UCHL5: variants seen among roughly 807,000 people sequenced by gnomAD.
UCHL5 encodes the protein ubiquitin carboxyl-terminal hydrolase isozyme L5.
Under a neutral mutation model 53.8 loss-of-function variants are expected in UCHL5, and 34 were observed. The observed-to-expected ratio is 0.63, with a 90% CI of 0.48 to 0.84. UCHL5 has a LOEUF of 0.84. Among genes scored for constraint, UCHL5 ranks in the 40% least tolerant of loss-of-function variants. The pLI is 0.00. For synonymous variants in UCHL5, 111 were observed against 126.3 expected (o/e 0.88, Z 0.81); for missense variants, 290 against 385.6 (o/e 0.75, Z 2.08).
chr1:193,045,197 C>T lies in UCHL5; in HGVS notation c.246+4549G>A, dbSNP rs146540267. Among the ~76,000 whole-genome samples the T allele has an allele frequency of 7.9e-5, 12 of 152,264 alleles. 1 individual carries two copies. In the South Asian group the frequency reaches 2.1e-3, roughly 26 times the overall value. On this transcript the variant is annotated intron_variant, in intron 3 of 10. Transcript: ENST00000367454. ...GTCTGCATTTATTGGATACCTACCA[C>T]GTACCAAGGACTGAATATAAAAACA...
intron 10 of UCHL5, chr1:193,020,234 T>C (rs1656451362): frequency 6.9e-7 from 1 of 1,459,192 alleles, no homozygotes; most frequent in Non-Finnish European, 9.1e-7. Flanking sequence ...TTAGAATGTA[T>C]AACATGAAAC....
At chr1:193,030,064 G>C (rs1283256373) in intron 3 of UCHL5, among the ~76,000 whole-genome samples, 1 of 152,138 alleles carries the variant, frequency 6.6e-6, no homozygotes, top group Non-Finnish European at 1.5e-5. Flanking sequence ...TCACCTGTGT[G>C]ATTGTAGAGA....
In UCHL5 at chr1:193,016,381, C is replaced by A. The variant is rs769500827; in HGVS notation, c.957G>T (p.Gln319His). 1 of 1,606,340 alleles carries A rather than the reference C, an allele frequency of 6.2e-7. No homozygotes were observed. The highest frequency in any genetic ancestry group is 8.5e-7 in the Non-Finnish European group (1 of 1,177,416). ...IPLVEKAKEK[Q>H]NAKKAQETK ...TGGTTTCCTGAGCTTTCTTTGCGTTCTGTTTTTCTTTTGCCTAAAAATTAA... is the reference window on the plus strand; with the variant it reads ...TGGTTTCCTGAGCTTTCTTTGCGTTATGTTTTTCTTTTGCCTAAAAATTAA... The change falls in exon 11 of 11, where the codon CAG becomes CAT. Residue 319 changes from glutamine (Q) to histidine (H), a missense_variant. By Grantham distance (24) the Gln-to-His change is conservative (BLOSUM62 0). Coordinates refer to ENST00000367454, the MANE Select transcript of UCHL5 (RefSeq NM_001199261.3).
At chr1:193,027,592 C>T (rs755899602) in intron 7 of UCHL5, among the ~76,000 whole-genome samples, 10 of 151,906 alleles carry the variant, frequency 6.6e-5, no homozygotes, top group South Asian at 2.1e-4. Flanking sequence ...AGCTGAGACA[C>T]GAGAATCGCT....
Position 193,059,219 on chromosome 1 carries a change from G to A in UCHL5, c.42C>T (p.Asp14=). The A allele has an allele frequency of 6.2e-7, 1 of 1,614,048 alleles. No homozygotes were observed. The highest frequency in any genetic ancestry group is 8.5e-7 in the Non-Finnish European group (1 of 1,179,998). Residue 14 remains aspartate (D), a synonymous_variant, in exon 1 of 11, where the codon GAC becomes GAT. Transcript: ENST00000367454. The surrounding 1 kb of genome is among the most constrained non-coding windows in gnomAD (Gnocchi z 4.9). Reference sequence around the variant, plus strand: ...TAATGAGCTCGGTGAAGACCCCGGGGTCGCTTTCCATGAGGCACCACTCCC... The same window carrying A: ...TAATGAGCTCGGTGAAGACCCCGGGATCGCTTTCCATGAGGCACCACTCCC... ...NAGEWCLMES[D]PGVFTELIKG...
intron 1 of UCHL5, among the ~76,000 whole-genome samples, chr1:193,054,129 T>C (rs1669934428): frequency 6.6e-6 from 1 of 152,152 alleles, no homozygotes; most frequent in Admixed American, 6.5e-5. Context: ...AAGCGGGTGC[T>C]AACGTTAAAA....
At chr1:193,023,813 G>C (rs778947430) in intron 8 of UCHL5, 31 bp downstream of exon 8, 2 of 1,518,524 alleles carry the variant, frequency 1.3e-6, no homozygotes, top group Non-Finnish European at 9.1e-7. Context: ...AACCAAGCTA[G>C]AACTTTGTAC....
chr1:193,043,964 A>C (rs1011377120), intron 3 of UCHL5, among the ~76,000 whole-genome samples: 1 of 152,132 alleles, frequency 6.6e-6, no homozygotes, highest in Non-Finnish European at 1.5e-5. Flanking sequence ...CATAATCATG[A>C]GTATAGCAGC....
intron 3 of UCHL5, among the ~76,000 whole-genome samples, chr1:193,039,045 T>C (rs1031492714): frequency 6.6e-6 from 1 of 152,164 alleles, no homozygotes; most frequent in African/African-American, 2.4e-5. Flanking sequence ...TGCTATTATA[T>C]ATGCCAACAG....
rs1474081742 is a variant in UCHL5 at position 193,029,171 on chromosome 1, T to A, written c.565+8A>T. The A allele has an allele frequency of 6.2e-7, 1 of 1,608,836 alleles. No homozygotes were observed. Among genetic ancestry groups the A allele is most frequent in the Non-Finnish European group, 8.5e-7 (1 of 1,178,070 alleles). On this transcript the variant is annotated splice_region_variant and intron_variant, in intron 6 of 10. Coordinates refer to ENST00000367454, the MANE Select transcript of UCHL5 (RefSeq NM_001199261.3). The stretch of plus-strand genomic sequence containing the variant: ...AAAGTGAAATATCAGGAACAGGAAC[T>A]GCATTACCTAAATCAATCGGTCCTT...
rs546690492 is a variant in UCHL5 at position 193,024,018 on chromosome 1, G to A, written c.630-72C>T. ...ACTATTACCGTTAAGATAATCCATC[G>A]TGATTCCCCTCTTGATTTTCTAGTA... is the stretch of plus-strand genomic sequence containing the variant. On this transcript the variant is annotated intron_variant, in intron 7 of 10. Transcript: ENST00000367454. 8 of 1,057,504 alleles carry A rather than the reference G, an allele frequency of 7.6e-6. No individual in the cohort carries two copies. The East Asian group carries it at 8.5e-5, about 11-fold the overall frequency. The allele number at this position is 1,057,504 out of a possible 1,614,324, so 65.5% of individuals were successfully genotyped here. A position where few individuals can be genotyped will look rare whatever the true frequency, so the allele number is the denominator to read the frequency against.
At chr1:193,029,108 TG>T (rs1180346198) in intron 6 of UCHL5, 70 bp downstream of exon 6, 9 of 1,550,732 alleles carry the variant, frequency 5.8e-6, no homozygotes, top group Non-Finnish European at 7.0e-6. Context: ...TAAGCAGCAC[TG>T]AATGAGGGTA....
chr1:193,052,880 A>G (rs1470446517), intron 1 of UCHL5, among the ~76,000 whole-genome samples: 1 of 152,214 alleles, frequency 6.6e-6, no homozygotes, highest in Non-Finnish European at 1.5e-5. Flanking sequence ...CAGGTTTCAA[A>G]GTCTGGGCGC....
At chr1:193,046,235 C>T (rs1397573391) in intron 3 of UCHL5, among the ~76,000 whole-genome samples, 1 of 151,622 alleles carries the variant, frequency 6.6e-6, no homozygotes, top group Non-Finnish European at 1.5e-5. Context: ...CGCCCTATAT[C>T]GCCCAGGCTG....
intron 1 of UCHL5, among the ~76,000 whole-genome samples, chr1:193,053,541 G>A (rs1188544900): frequency 6.6e-6 from 1 of 152,112 alleles, no homozygotes; most frequent in African/African-American, 2.4e-5. Context: ...AGAAATAAGC[G>A]CTGATTCCAG....
intron 6 of UCHL5, 96 bp downstream of exon 6, chr1:193,029,081 CTT>C (rs1426981971): frequency 6.9e-7 from 1 of 1,448,004 alleles, no homozygotes; most frequent in African/African-American, 1.4e-5. Context: ...CTCATAGTCA[CTT>C]TTACCTTGAA....
chr1:193,038,536 G>A (rs1323885254), intron 3 of UCHL5, among the ~76,000 whole-genome samples: 3 of 151,502 alleles, frequency 2.0e-5, no homozygotes, highest in Admixed American at 6.6e-5. Context: ...TTTATTCAAC[G>A]TAATATTGCA....
intron 9 of UCHL5, among the ~76,000 whole-genome samples, chr1:193,021,410 AAAT>A (rs1273037016): frequency 6.6e-6 from 1 of 152,172 alleles, no homozygotes; most frequent in Non-Finnish European, 1.5e-5. Context: ...CTGACTTAGC[AAAT>A]AATAGAGGCC....
intron 2 of UCHL5, 45 bp downstream of exon 2, chr1:193,051,709 A>T: frequency 8.5e-7 from 1 of 1,172,256 alleles, no homozygotes; most frequent in Non-Finnish European, 1.2e-6. Flanking sequence ...TAAGTTTGTT[A>T]AAGTATATAT....
Sources: gnomAD v4.1 joint callset for allele counts (sites outside exome capture counted in the v4.1 genomes callset) on GRCh38, gnomAD v4.1.1 for gene constraint, Gnocchi (gnomAD v3.1) non-coding constraint, MANE v1.5 for transcripts, NCBI Gene and HGNC (gene_info 2026-07-23, HGNC 2026-07-21) for gene names.